Variants in KDM2A observed in about 807,000 individuals in gnomAD.
KDM2A encodes the protein lysine demethylase 2A, also known as lysine-specific demethylase 2A.
Under a neutral mutation model 137.3 loss-of-function variants are expected in KDM2A, and 3 were observed. The observed-to-expected ratio is 0.02, with a 90% CI of 0.01 to 0.06. KDM2A has a LOEUF of 0.06. Among genes scored for constraint, KDM2A ranks in the 10% least tolerant of loss-of-function variants. The pLI, the probability that KDM2A is intolerant of heterozygous loss-of-function variation, is 1.00. For missense variants in KDM2A, 738 were observed against 1,510.6 expected, an observed-to-expected ratio of 0.49 and a Z score of 8.48; for synonymous variants, 512 against 541.5, an observed-to-expected ratio of 0.95 and a Z score of 0.76.
intron 3 of KDM2A, 52 bp from the exon 4 acceptor site, chr11:67,181,268 T>C: frequency 8.3e-7 from 1 of 1,202,046 alleles, no homozygotes; most frequent in East Asian, 2.4e-5. Context: ...ATGGTCCTTT[T>C]ATCGTTTTTA....
At chr11:67,159,073 G>A (rs550882789) in intron 2 of KDM2A, among the ~76,000 whole-genome samples, 5 of 152,068 alleles carry the variant, frequency 3.3e-5, no homozygotes, top group East Asian at 1.9e-4. Flanking sequence ...TTGGTGTTGC[G>A]TCTAAAAACC....
At chr11:67,192,921 G>T (rs645387) in intron 5 of KDM2A, among the ~76,000 whole-genome samples, 146,164 of 152,230 alleles carry the variant, frequency 0.96, 70,278 homozygotes, top group Non-Finnish European at 0.99. Flanking sequence ...GAGTCAAGTA[G>T]GAGAGTGTCC....
chr11:67,198,759 GTTTGTTTTGTTTTGT>G (rs71056183), intron 5 of KDM2A, among the ~76,000 whole-genome samples: 12,870 of 149,242 alleles, frequency 0.086, 1,889 homozygotes, highest in African/African-American at 0.3. Flanking sequence ...GTGATCAGTA[GTTTGTTTTGTTTTGT>G]TTTGTTTTGT....
intron 5 of KDM2A, among the ~76,000 whole-genome samples, chr11:67,202,259 C>G (rs188220496): frequency 9.7e-4 from 148 of 152,196 alleles, no homozygotes; most frequent in Non-Finnish European, 1.9e-3. Context: ...GAATCTACTC[C>G]TGGTGGAGAT....
At chr11:67,244,820 CAA>C (rs1003482243) in intron 13 of KDM2A, among the ~76,000 whole-genome samples, 1 of 151,772 alleles carries the variant, frequency 6.6e-6, no homozygotes. Context: ...CCCGTCTCTA[CAA>C]AAAATACAAA....
chr11:67,135,038 A>G (rs1442044579), intron 2 of KDM2A, among the ~76,000 whole-genome samples: 7 of 152,022 alleles, frequency 4.6e-5, no homozygotes, highest in African/African-American at 1.7e-4. Flanking sequence ...TCTAGACATC[A>G]GTCATTAAGC....
At chr11:67,143,569 A>T (rs1856172442) in intron 2 of KDM2A, among the ~76,000 whole-genome samples, 1 of 151,540 alleles carries the variant, frequency 6.6e-6, no homozygotes, top group Non-Finnish European at 1.5e-5. Context: ...ACTTTTTCTT[A>T]CTCAGTGGAA....
chr11:67,129,856 C>T (rs764483003), intron 2 of KDM2A, among the ~76,000 whole-genome samples: 22 of 150,378 alleles, frequency 1.5e-4, no homozygotes, highest in Admixed American at 4.6e-4. Context: ...GGTTGCTGTA[C>T]GCCGAGATCG....
intron 6 of KDM2A, among the ~76,000 whole-genome samples, chr11:67,208,122 T>A (rs1474302316): frequency 2.0e-5 from 3 of 150,234 alleles, no homozygotes; most frequent in Non-Finnish European, 4.4e-5. Context: ...AACAAGACTA[T>A]TTGACAAGAA....
At chr11:67,171,110 G>A (rs1217276692) in intron 2 of KDM2A, among the ~76,000 whole-genome samples, 1 of 152,132 alleles carries the variant, frequency 6.6e-6, no homozygotes, top group Non-Finnish European at 1.5e-5. Context: ...TAAACATTTA[G>A]ACTCCTTTGT....
At chr11:67,227,236 C>T (rs944459539) in intron 10 of KDM2A, among the ~76,000 whole-genome samples, 16 of 152,118 alleles carry the variant, frequency 1.1e-4, no homozygotes, top group African/African-American at 2.7e-4. Flanking sequence ...AGCTGAGCAT[C>T]GATAGTGGAG....
intron 5 of KDM2A, among the ~76,000 whole-genome samples, chr11:67,206,259 TGA>T (rs1481645769): frequency 1.1e-4 from 16 of 152,102 alleles, no homozygotes; most frequent in African/African-American, 3.6e-4. Context: ...GGCAAAACGC[TGA>T]CTTTACCAAA....
At chr11:67,253,718 G>A (rs1425112199) in intron 19 of KDM2A, 107 bp downstream of exon 19, 2 of 1,156,966 alleles carry the variant, frequency 1.7e-6, no homozygotes, top group Non-Finnish European at 2.5e-6. Flanking sequence ...CGCTGTGGAA[G>A]AATAGAAGAG....
At chr11:67,240,240 A>G in intron 12 of KDM2A, 1 of 1,535,554 alleles carries the variant, frequency 6.5e-7, no homozygotes, top group Non-Finnish European at 8.7e-7. Context: ...ATATTCAAGT[A>G]AATCCGGATT....
intron 2 of KDM2A, among the ~76,000 whole-genome samples, chr11:67,129,063 A>G (rs746089205): frequency 6.6e-6 from 1 of 152,238 alleles, no homozygotes; most frequent in Admixed American, 6.5e-5. Flanking sequence ...AGCTTGGGCT[A>G]CAGAGCAAGA....
At chr11:67,136,093 T>C (rs80241179) in intron 2 of KDM2A, among the ~76,000 whole-genome samples, 1,533 of 152,314 alleles carry the variant, frequency 0.01, 32 homozygotes, top group African/African-American at 0.035. Context: ...ACTGCATATT[T>C]GAAAGTAGGA....
chr11:67,178,306 T>G (rs908873341), intron 2 of KDM2A, among the ~76,000 whole-genome samples: 9 of 152,056 alleles, frequency 5.9e-5, no homozygotes, highest in Non-Finnish European at 2.9e-5. Flanking sequence ...TGGGAGGCTG[T>G]AGGTGGGAGG....
intron 15 of KDM2A, among the ~76,000 whole-genome samples, chr11:67,247,793 A>G (rs763506075): frequency 6.6e-6 from 1 of 152,214 alleles, no homozygotes; most frequent in Non-Finnish European, 1.5e-5. Flanking sequence ...TGCATATTAC[A>G]TCTATTAACA....
intron 2 of KDM2A, among the ~76,000 whole-genome samples, chr11:67,129,571 A>G (rs1034048715): frequency 5.3e-5 from 8 of 152,006 alleles, no homozygotes; most frequent in Admixed American, 1.3e-4. Flanking sequence ...CGTCTCTACT[A>G]AAAATACAAA....
Sources: gnomAD v4.1 joint callset for allele counts (sites outside exome capture counted in the v4.1 genomes callset) on GRCh38, gnomAD v4.1.1 for gene constraint, MANE v1.5 for transcripts, NCBI Gene and HGNC (gene_info 2026-07-23, HGNC 2026-07-21) for gene names.